The following PFKFB4 variants were observed in gnomAD, a reference collection of about 807,000 sequenced individuals.
PFKFB4 encodes the protein 6-phosphofructo-2-kinase/fructose-2,6-bisphosphatase 4.
In PFKFB4, 42 loss-of-function variants were observed where a neutral mutation model predicts 62.8. The observed-to-expected ratio is 0.67, with a 90% confidence interval of 0.52 to 0.86. The LOEUF (loss-of-function observed/expected upper bound fraction) is 0.86, where lower values mean the gene tolerates loss of function less well. Among genes scored for constraint, PFKFB4 ranks in the 40% least tolerant of loss-of-function variants. The pLI is 0.00. For synonymous variants in PFKFB4, 204 were observed against 240.7 expected, an observed-to-expected ratio of 0.85 and a Z score of 1.41; for missense variants, 475 against 627.2, an observed-to-expected ratio of 0.76 and a Z score of 2.59.
intron 7 of PFKFB4, among the ~76,000 whole-genome samples, chr3:48,538,122 G>T (rs2042682957): frequency 6.6e-6 from 1 of 152,116 alleles, no homozygotes; most frequent in South Asian, 2.1e-4. Context: ...TGTTTCATTT[G>T]TACTGTGACA....
intron 12 of PFKFB4, among the ~76,000 whole-genome samples, chr3:48,523,109 T>C (rs781433986): frequency 1.6e-4 from 24 of 150,134 alleles, no homozygotes; most frequent in South Asian, 2.2e-4. Context: ...TGGTAGCTCA[T>C]GATGGTAGCT....
At chr3:48,529,309 T>C (rs972677348) in intron 9 of PFKFB4, among the ~76,000 whole-genome samples, 2 of 152,148 alleles carry the variant, frequency 1.3e-5, no homozygotes, top group African/African-American at 4.8e-5. Flanking sequence ...TGGATTAAAC[T>C]AAGAAAAAGT....
At chr3:48,551,687 A>G (rs1575400891) in intron 1 of PFKFB4, among the ~76,000 whole-genome samples, 1 of 145,372 alleles carries the variant, frequency 6.9e-6, no homozygotes, top group African/African-American at 2.6e-5. Flanking sequence ...TGGGATTACA[A>G]GCACATGCCA....
At chr3:48,535,465 C>G in intron 9 of PFKFB4, 47 bp downstream of exon 9, 1 of 1,505,244 alleles carries the variant, frequency 6.6e-7, no homozygotes, top group East Asian at 2.3e-5. Flanking sequence ...GATGCAGCAG[C>G]CCTGCGGTAT....
chr3:48,536,499 G>C, intron 7 of PFKFB4, 36 bp from the exon 8 acceptor site: 1 of 1,535,452 alleles, frequency 6.5e-7, no homozygotes, highest in Middle Eastern at 1.8e-4. Context: ...GCCTGTGAGC[G>C]TGGCCAGGGT....
rs745445999 is a variant in PFKFB4 at position 48,535,518 on chromosome 3, G to A, written c.981C>T (p.Ile327=). ...AGGGAGGGACGGTAACTACCGCATCGATCTCGTTGAGGACCTTCCACTGTT... is the reference window on the plus strand; with the variant it reads ...AGGGAGGGACGGTAACTACCGCATCAATCTCGTTGAGGACCTTCCACTGTT... ...PYEQWKVLNE[I]DAGVCEEMTY... Residue 327 remains isoleucine, a synonymous_variant, in exon 9 of 14, where the codon ATC becomes ATT. Coordinates refer to ENST00000232375, the MANE Select transcript of PFKFB4 (RefSeq NM_004567.4). 4 of 1,613,308 alleles carry A rather than the reference G, an allele frequency of 2.5e-6. No individual in the cohort carries two copies. The highest frequency in any genetic ancestry group is 2.2e-5 in the East Asian group (1 of 44,856).
intron 9 of PFKFB4, among the ~76,000 whole-genome samples, chr3:48,527,684 CTTT>C (rs1180697646): frequency 8.3e-5 from 10 of 121,192 alleles, no homozygotes; most frequent in Admixed American, 8.5e-5. Flanking sequence ...CGTCCATCAT[CTTT>C]TTTTTTTTTT....
At chr3:48,557,113 G>T, upstream of PFKFB4, 1 of 455,000 alleles carries the variant, frequency 2.2e-6, no homozygotes, top group Non-Finnish European at 3.3e-6. Flanking sequence ...CCCCGGATGC[G>T]CAAACTCAGC....
intron 1 of PFKFB4, among the ~76,000 whole-genome samples, chr3:48,553,279 G>T (rs191014667): frequency 1.0e-3 from 156 of 152,318 alleles, no homozygotes; most frequent in African/African-American, 3.4e-3. Flanking sequence ...TTCGAGACCA[G>T]CTTGGCCAAC....
At chr3:48,559,842 T>G (rs1481840981), upstream of PFKFB4, 1 of 341,850 alleles carries the variant, frequency 2.9e-6, no homozygotes, top group Non-Finnish European at 5.8e-6. Context: ...AAGCTCAAAC[T>G]CTTCCCAGTC....
chr3:48,534,991 T>C (rs1351406434), intron 9 of PFKFB4, among the ~76,000 whole-genome samples: 1 of 152,022 alleles, frequency 6.6e-6, no homozygotes, highest in Non-Finnish European at 1.5e-5. Context: ...GTATTTTCAG[T>C]AGAGATGGGG....
At chr3:48,543,667 G>C (rs1410843811) in intron 3 of PFKFB4, 21 bp from the exon 4 acceptor site, 4 of 1,601,908 alleles carry the variant, frequency 2.5e-6, no homozygotes, top group Non-Finnish European at 3.4e-6. Flanking sequence ...GAAAACACAG[G>C]GTCAGCCCAG....
chr3:48,536,728 T>TG (rs1389436925), intron 7 of PFKFB4: 2 of 471,878 alleles, frequency 4.2e-6, no homozygotes, highest in Non-Finnish European at 7.7e-6. Flanking sequence ...ACATCCAAAG[T>TG]GGGGGGTCCG....
intron 9 of PFKFB4, among the ~76,000 whole-genome samples, chr3:48,533,501 C>G (rs1219901650): frequency 6.6e-6 from 1 of 152,084 alleles, no homozygotes; most frequent in South Asian, 2.1e-4. Context: ...AAGACCAAGC[C>G]ATGATGGAGC....
chr3:48,556,509 C>T lies in PFKFB4; in HGVS notation c.97+172G>A, dbSNP rs1575407223. On this transcript the variant is annotated intron_variant, in intron 1 of 13. Coordinates refer to ENST00000232375, the MANE Select transcript of PFKFB4 (RefSeq NM_004567.4). The surrounding 1 kb of genome is among the most constrained non-coding windows in gnomAD (Gnocchi z 5.7). ...TGCCACACCTGTCTCTGGCCCACCA[C>T]TGTCACGACCGCCTCACCTGTCCCC... Among the ~76,000 whole-genome samples, 1 of 152,136 alleles carries T rather than the reference C, an allele frequency of 6.6e-6. No homozygotes were observed. Among genetic ancestry groups the T allele is most frequent in the African/African-American group, 2.4e-5 (1 of 41,412 alleles).
chr3:48,561,235 C>A (rs1470259750), upstream of PFKFB4: 1 of 395,402 alleles, frequency 2.5e-6, no homozygotes, highest in East Asian at 1.3e-4. This position sits in a 1 kb window ranked among gnomAD's most constrained non-coding sequence, Gnocchi z 5.2. Context: ...CCTCCCCAGC[C>A]CACTGTAGGC....
intron 3 of PFKFB4, among the ~76,000 whole-genome samples, chr3:48,549,331 G>C (rs192107513): frequency 4.1e-4 from 63 of 152,234 alleles, no homozygotes; most frequent in African/African-American, 1.5e-3. Flanking sequence ...CCAAGAACAT[G>C]CTCCAAATAC....
rs192157722 is a variant in PFKFB4 at position 48,555,359 on chromosome 3, C to T, written c.97+1322G>A. ...GGCCAGAAATACACACACCCTTCCC[C>T]CAGGACTCATATCATGATCAAAGCC... On this transcript the variant is annotated intron_variant, in intron 1 of 13. Transcript: ENST00000232375. Among the ~76,000 whole-genome samples the T allele has an allele frequency of 7.9e-5, 12 of 152,302 alleles. No homozygotes were observed. In the East Asian group the frequency reaches 1.7e-3, roughly 22 times the overall value.
intron 3 of PFKFB4, among the ~76,000 whole-genome samples, chr3:48,544,084 G>A (rs923987255): frequency 9.4e-5 from 14 of 149,052 alleles, no homozygotes; most frequent in African/African-American, 3.0e-4. Flanking sequence ...GTGCGATCTC[G>A]GCTCACTGCA....
Sources: gnomAD v4.1 joint callset for allele counts (sites outside exome capture counted in the v4.1 genomes callset) on GRCh38, gnomAD v4.1.1 for gene constraint, Gnocchi (gnomAD v3.1) non-coding constraint, MANE v1.5 for transcripts, NCBI Gene and HGNC (gene_info 2026-07-23, HGNC 2026-07-21) for gene names.